Variants in FAM53A observed in about 807,000 individuals in gnomAD.
FAM53A encodes the protein family with sequence similarity 53 member A.
FAM53A carries 28 observed loss-of-function variants against 26.6 expected under a neutral mutation model. That is an observed-to-expected ratio of 1.05 (90% CI 0.78 to 1.45). The LOEUF is 1.45. Ranked by LOEUF, FAM53A falls within the 40% of genes most tolerant of loss-of-function variation. The pLI, the probability that FAM53A is intolerant of heterozygous loss-of-function variation, is 0.00. For missense variants in FAM53A, 650 were observed against 575.8 expected (o/e 1.13, Z -1.32); for synonymous variants, 290 against 253.1 (o/e 1.15, Z -1.38).
chr4:1,642,313 G>A (rs896266621), intron 4 of FAM53A, among the ~76,000 whole-genome samples: 8 of 152,174 alleles, frequency 5.3e-5, no homozygotes, highest in Non-Finnish European at 7.4e-5. Context: ...CCTCATCCCA[G>A]GCGAGTAGCT....
the FAM53A span, among the ~76,000 whole-genome samples, chr4:1,603,936 A>C: frequency 6.6e-6 from 1 of 152,154 alleles, no homozygotes; most frequent in African/African-American, 2.4e-5. Context: ...GGCCAAGGCC[A>C]CCTTGGGCCA....
chr4:1,652,012 TCACACACACACCACACACGC>T (rs753005149), intron 4 of FAM53A, among the ~76,000 whole-genome samples: 34,945 of 94,712 alleles, frequency 0.37, 4,379 homozygotes, highest in Middle Eastern at 0.51. Flanking sequence ...ACCACACACG[TCACACACACACCACACACGC>T]CACACACACA....
At chr4:1,644,562 C>T (rs1428364046) in intron 4 of FAM53A, 12 of 514,372 alleles carry the variant, frequency 2.3e-5, no homozygotes, top group East Asian at 6.3e-5. Flanking sequence ...ATCCGCCTCG[C>T]GCCCCCTGTC....
chr4:1,641,505 C>A lies in FAM53A; in HGVS notation c.985G>T (p.Gly329Cys), dbSNP rs772970772. 15 of 1,614,076 alleles carry A rather than the reference C, an allele frequency of 9.3e-6. No individual in the cohort carries two copies. In the South Asian group the frequency reaches 1.5e-4, roughly 17 times the overall value. The change falls in exon 5 of 5, where the codon GGC becomes TGC. Residue 329 changes from glycine to cysteine, a missense_variant. Physicochemically the swap from Gly to Cys is radical, Grantham distance 159 (BLOSUM62 -3). Transcript: ENST00000308132. ...TVLSSPCDSRGLPGITMPGCS... is the reference protein window; with the variant it reads ...TVLSSPCDSRCLPGITMPGCS... ...CCAGGCATGGTGATGCCAGGGAGGCCCCGGGAGTCACATGGGGAGGACAGA... is the reference window on the plus strand; with the variant it reads ...CCAGGCATGGTGATGCCAGGGAGGCACCGGGAGTCACATGGGGAGGACAGA...
At chr4:1,685,791 C>G (rs902448522), upstream of FAM53A, among the ~76,000 whole-genome samples, 7 of 152,164 alleles carry the variant, frequency 4.6e-5, no homozygotes, top group Non-Finnish European at 7.4e-5. Context: ...TACCCAAAGA[C>G]AAGTGTCTTT....
chr4:1,656,579 C>G (rs1374403194), intron 3 of FAM53A, among the ~76,000 whole-genome samples: 1 of 152,076 alleles, frequency 6.6e-6, no homozygotes, highest in African/African-American at 2.4e-5. Context: ...CGCTGCGGGG[C>G]TCTGAGCCAG....
At chr4:1,669,285 C>A (rs562839006) in intron 1 of FAM53A, among the ~76,000 whole-genome samples, 3 of 152,242 alleles carry the variant, frequency 2.0e-5, no homozygotes, top group Non-Finnish European at 4.4e-5. Context: ...CTACCCACCC[C>A]CTTCTGCTCC....
At chr4:1,631,436 C>T (rs1410749828) in intron 1 of FAM53A, among the ~76,000 whole-genome samples, 1 of 152,220 alleles carries the variant, frequency 6.6e-6, no homozygotes, top group Non-Finnish European at 1.5e-5. Context: ...CCAGGGACAG[C>T]ACTGTGGGGC....
intron 4 of FAM53A, chr4:1,644,314 G>A (rs999488655): frequency 1.3e-6 from 2 of 1,535,982 alleles, no homozygotes; most frequent in Non-Finnish European, 1.7e-6. Flanking sequence ...TCGGACGCGG[G>A]ACTCGCACTC....
rs1427415768 is a variant in FAM53A, at chr4:1,655,213, G to T, written c.647C>A (p.Pro216His). Residue 216 changes from proline to histidine, a missense_variant, in exon 4 of 5, where the codon CCC becomes CAC. Coordinates refer to ENST00000308132, the MANE Select transcript of FAM53A (RefSeq NM_001174070.3). ...GAGGGACGGGCGGCGCCTCGTGGAG[G>T]GCAAGCAGGACTCCGCGGAACACCA... ...PLWCSAESCLPSTRRRPSLSQ... is the reference protein window; with the variant it reads ...PLWCSAESCLHSTRRRPSLSQ... The T allele has an allele frequency of 6.4e-7, 1 of 1,554,488 alleles. No homozygotes were observed. The highest frequency in any genetic ancestry group is 8.6e-7 in the Non-Finnish European group (1 of 1,159,432).
the FAM53A span, among the ~76,000 whole-genome samples, chr4:1,590,389 C>T: frequency 6.6e-6 from 1 of 152,166 alleles, no homozygotes; most frequent in Admixed American, 6.5e-5. Context: ...GATAAGAAAG[C>T]CCGGGTGCTC....
the FAM53A span, among the ~76,000 whole-genome samples, chr4:1,592,455 G>A: frequency 6.6e-6 from 1 of 152,376 alleles, no homozygotes; most frequent in South Asian, 2.1e-4. Context: ...GAGCAAGGCC[G>A]AGGGGGCCAG....
the FAM53A span, among the ~76,000 whole-genome samples, chr4:1,610,283 T>C: frequency 6.9e-6 from 1 of 145,596 alleles, no homozygotes; most frequent in Non-Finnish European, 1.5e-5. Context: ...GCCCCCAGAC[T>C]CCAGCTGCCT....
rs765532025 is a variant in FAM53A, at chr4:1,659,656, G to A, written c.76-2188C>T. 1.3e-5 allele frequency among the ~76,000 whole-genome samples: 2 copies of A among 152,220 alleles called. No homozygotes were observed. The highest frequency in any genetic ancestry group is 2.9e-5 in the Non-Finnish European group (2 of 68,036). On this transcript the variant is annotated intron_variant, in intron 2 of 4. Transcript: ENST00000308132. The surrounding 1 kb of genome is among the most constrained non-coding windows in gnomAD (Gnocchi z 5.2). Reference sequence around the variant, plus strand: ...GGAGACAGGAAAGGCTGGGCAGCCAGGTCCCACAGGCTCAGGCAGGGGGCT... The same window carrying A: ...GGAGACAGGAAAGGCTGGGCAGCCAAGTCCCACAGGCTCAGGCAGGGGGCT...
chr4:1,613,124 A>G (rs987196750), downstream of FAM53A, among the ~76,000 whole-genome samples: 1 of 152,232 alleles, frequency 6.6e-6, no homozygotes, highest in Admixed American at 6.5e-5. Context: ...AACAGAAAGC[A>G]GGGCTATTCC....
intron 1 of FAM53A, among the ~76,000 whole-genome samples, chr4:1,679,701 A>G (rs1177249268): frequency 6.6e-6 from 1 of 151,000 alleles, no homozygotes; most frequent in East Asian, 1.9e-4. Flanking sequence ...AAAAAAAAAA[A>G]AAAGAACCCA....
the FAM53A span, among the ~76,000 whole-genome samples, chr4:1,576,281 C>A: frequency 6.6e-6 from 1 of 152,234 alleles, no homozygotes; most frequent in Non-Finnish European, 1.5e-5. Context: ...CAAAACAGAT[C>A]TGGCATGAAT....
chr4:1,671,678 A>G (rs1232561984), intron 1 of FAM53A, among the ~76,000 whole-genome samples: 1 of 152,132 alleles, frequency 6.6e-6, no homozygotes, highest in Admixed American at 6.5e-5. Context: ...TCTATGGCTG[A>G]CAAGCCAGCC....
chr4:1,661,048 G>C (rs1713797638), intron 2 of FAM53A, among the ~76,000 whole-genome samples: 1 of 151,906 alleles, frequency 6.6e-6, no homozygotes, highest in Non-Finnish European at 1.5e-5. Flanking sequence ...ACAGCCCCCA[G>C]CACAGCCCCA....
Sources: gnomAD v4.1 joint callset for allele counts (sites outside exome capture counted in the v4.1 genomes callset) on GRCh38, gnomAD v4.1.1 for gene constraint, Gnocchi (gnomAD v3.1) non-coding constraint, MANE v1.5 for transcripts, NCBI Gene and HGNC (gene_info 2026-07-23, HGNC 2026-07-21) for gene names.